The following KIAA2012 variants were observed in gnomAD, a reference collection of about 807,000 sequenced individuals.
The protein encoded by KIAA2012 is uncharacterized protein KIAA2012.
KIAA2012 carries 125 observed loss-of-function variants against 150.6 expected under a neutral mutation model. The observed-to-expected ratio is 0.83, with a 90% CI of 0.72 to 0.96. The LOEUF (loss-of-function observed/expected upper bound fraction) is 0.96, where lower values mean the gene tolerates loss of function less well. Ranked by LOEUF, KIAA2012 falls within the 40% of genes least tolerant of loss-of-function variation. KIAA2012 has a pLI of 0.00. For missense variants in KIAA2012, 1,219 were observed against 1,354.9 expected (o/e 0.90, Z 1.57); for synonymous variants, 462 against 504.7 (o/e 0.92, Z 1.13).
chr2:202,194,124 T>G (rs1461401873), intron 20 of KIAA2012, 66 bp from the exon 21 acceptor site: 6 of 1,522,346 alleles, frequency 3.9e-6, no homozygotes, highest in Non-Finnish European at 5.3e-6. Flanking sequence ...CACTGTCTGT[T>G]GGCTCATCTC....
chr2:202,100,344 C>T lies in KIAA2012; in HGVS notation c.1050C>T (p.Ser350=). The T allele has an allele frequency of 6.4e-7, 1 of 1,550,600 alleles. No individual in the cohort carries two copies. Among genetic ancestry groups the T allele is most frequent in the Non-Finnish European group, 8.7e-7 (1 of 1,146,974 alleles). Residue 350 remains serine (S), a synonymous_variant, in exon 7 of 24, where the codon AGC becomes AGT. Coordinates refer to ENST00000498697, the MANE Select transcript of KIAA2012 (RefSeq NM_001277372.4). ...ACGTGAAACTCCACAAGGCCAGAAG[C>T]AGCCACTTGTTACAGGTGCTTCCTG... ...QRNVKLHKAR[S]SHLLQVLPAE... is the part of the protein sequence containing the mutation.
intron 13 of KIAA2012, among the ~76,000 whole-genome samples, chr2:202,148,981 T>G (rs897167205): frequency 6.6e-6 from 1 of 152,068 alleles, no homozygotes; most frequent in Non-Finnish European, 1.5e-5. Flanking sequence ...CGCTTTTAGG[T>G]CCGCAGGCTG....
chr2:202,090,981 T>TTCCCCACTGAC, intron 3 of KIAA2012, 52 bp downstream of exon 3: 1 of 1,499,098 alleles, frequency 6.7e-7, no homozygotes, highest in Non-Finnish European at 9.0e-7. Context: ...CACCTCCCAT[T>TTCCCCACTGAC]CTGGTGTGAC....
At chr2:202,169,213 C>T (rs1311534867) in intron 15 of KIAA2012, among the ~76,000 whole-genome samples, 1 of 152,126 alleles carries the variant, frequency 6.6e-6, no homozygotes, top group Non-Finnish European at 1.5e-5. Context: ...TAAATGTTTC[C>T]TAAATGAATG....
chr2:202,106,312 C>G (rs17656903), intron 9 of KIAA2012, among the ~76,000 whole-genome samples: 13,866 of 152,240 alleles, frequency 0.091, 871 homozygotes, highest in South Asian at 0.24. Context: ...TTCCTGCATG[C>G]CTTATAGTTT....
In KIAA2012 at chr2:202,154,682, C is replaced by A. The variant is rs1691488289; in HGVS notation, c.1918C>A (p.Gln640Lys). 3 of 1,544,260 alleles carry A rather than the reference C, an allele frequency of 1.9e-6. No homozygotes were observed. In the East Asian group the frequency reaches 7.3e-5, roughly 38 times the overall value. The part of the protein sequence containing the change: ...TQTTEKQGAQ[Q>K]SLEAAAQKTG... ...CTGCTTCTCTTCACAGGGAGCCCAGCAGTCCTTGGAGGCAGCAGCTCAGAA... is the reference window on the plus strand; with the variant it reads ...CTGCTTCTCTTCACAGGGAGCCCAGAAGTCCTTGGAGGCAGCAGCTCAGAA... The change falls in exon 14 of 24, where the codon CAG (glutamine) becomes AAG (lysine). Residue 640 changes from glutamine to lysine, a missense_variant. Gln to Lys is a moderately conservative substitution (Grantham distance 53, BLOSUM62 1). Transcript: ENST00000498697.
chr2:202,125,349 C>T (rs1575025200), intron 12 of KIAA2012, 67 bp downstream of exon 12: 2 of 1,233,182 alleles, frequency 1.6e-6, no homozygotes, highest in Non-Finnish European at 2.3e-6. Context: ...CATATTATTT[C>T]ATATATAGAC....
At chr2:202,156,803 T>A (rs1691537883) in intron 14 of KIAA2012, among the ~76,000 whole-genome samples, 1 of 152,090 alleles carries the variant, frequency 6.6e-6, no homozygotes, top group Non-Finnish European at 1.5e-5. Flanking sequence ...GAGAATGGCA[T>A]GAACCCGGGA....
intron 13 of KIAA2012, among the ~76,000 whole-genome samples, chr2:202,140,209 C>T (rs752065761): frequency 6.6e-6 from 1 of 152,094 alleles, no homozygotes; most frequent in Non-Finnish European, 1.5e-5. Context: ...GCCTGGGCAA[C>T]AGAGCAAGAC....
intron 15 of KIAA2012, among the ~76,000 whole-genome samples, chr2:202,184,375 C>G (rs1472672266): frequency 7.8e-6 from 1 of 127,830 alleles, no homozygotes; most frequent in Non-Finnish European, 1.6e-5. Flanking sequence ...CAGAGCAAGA[C>G]TCCGTCTCAA....
At chr2:202,127,655 T>C (rs1378068197) in intron 12 of KIAA2012, among the ~76,000 whole-genome samples, 4 of 152,184 alleles carry the variant, frequency 2.6e-5, no homozygotes, top group Non-Finnish European at 5.9e-5. Flanking sequence ...ATCCAGGAAA[T>C]GGAGAGAACG....
chr2:202,160,869 G>A (rs1307610782), intron 14 of KIAA2012, among the ~76,000 whole-genome samples: 1 of 152,142 alleles, frequency 6.6e-6, no homozygotes, highest in African/African-American at 2.4e-5. Context: ...TAGAAGCTGA[G>A]GTTCTATGAT....
chr2:202,177,972 G>A (rs1380019410), intron 15 of KIAA2012, among the ~76,000 whole-genome samples: 2 of 152,224 alleles, frequency 1.3e-5, no homozygotes, highest in African/African-American at 4.8e-5. Context: ...GCCAAGGCAG[G>A]CAGATCACTT....
intron 15 of KIAA2012, among the ~76,000 whole-genome samples, chr2:202,173,978 T>A (rs1396630080): frequency 6.6e-6 from 1 of 152,200 alleles, no homozygotes; most frequent in East Asian, 1.9e-4. Context: ...TTTTTTTTCT[T>A]TTTTGAGACA....
At chr2:202,150,886 C>G (rs1691413280) in intron 13 of KIAA2012, among the ~76,000 whole-genome samples, 1 of 152,144 alleles carries the variant, frequency 6.6e-6, no homozygotes, top group Non-Finnish European at 1.5e-5. Flanking sequence ...CTCTCCTGTA[C>G]CTTTAGAGAC....
At chr2:202,106,360 C>A (rs1174553269) in intron 9 of KIAA2012, among the ~76,000 whole-genome samples, 3 of 152,154 alleles carry the variant, frequency 2.0e-5, no homozygotes, top group African/African-American at 4.8e-5. Context: ...CATTTCTAAT[C>A]TGTTTATAAA....
chr2:202,138,702 A>T (rs77965203), intron 13 of KIAA2012, among the ~76,000 whole-genome samples, 194 bp downstream of exon 13: 28 of 152,256 alleles, frequency 1.8e-4, no homozygotes, highest in African/African-American at 6.5e-4. Flanking sequence ...CTTAACTTGG[A>T]CTGTATTATT....
At chr2:202,187,768 T>A (rs991077836) in intron 17 of KIAA2012, among the ~76,000 whole-genome samples, 1 of 152,186 alleles carries the variant, frequency 6.6e-6, no homozygotes, top group Non-Finnish European at 1.5e-5. Flanking sequence ...AGCAAATCAT[T>A]CTGCAGTGAA....
chr2:202,122,674 T>C (rs1203368348), intron 11 of KIAA2012, among the ~76,000 whole-genome samples: 3 of 151,976 alleles, frequency 2.0e-5, no homozygotes, highest in East Asian at 3.9e-4. Flanking sequence ...GCTAAATTTG[T>C]TGTATTTTTA....
Sources: allele counts gnomAD v4.1 joint callset (sites outside exome capture counted in the v4.1 genomes callset), GRCh38; gene constraint gnomAD v4.1.1; transcripts MANE v1.5; gene names NCBI Gene and HGNC (gene_info 2026-07-23, HGNC 2026-07-21).